ARHGAP28: variants seen among roughly 807,000 people sequenced by gnomAD.
The protein encoded by ARHGAP28 is rho GTPase-activating protein 28.
ARHGAP28 carries 56 observed loss-of-function variants against 90.7 expected under a neutral mutation model. That is an observed-to-expected ratio of 0.62 (90% confidence interval 0.50 to 0.77). ARHGAP28 has a LOEUF of 0.77. Among genes scored for constraint, ARHGAP28 ranks in the 30% least tolerant of loss-of-function variants. The pLI, the probability that ARHGAP28 is intolerant of heterozygous loss-of-function variation, is 0.00. For synonymous variants in ARHGAP28, 308 were observed against 323.3 expected (o/e 0.95, Z 0.51); for missense variants, 869 against 900.9 (o/e 0.96, Z 0.45).
chr18:6,894,879 G>A lies in ARHGAP28; in HGVS notation c.1893G>A (p.Ser631=), dbSNP rs543980324. The part of the protein sequence containing the change: ...KTSKVLQKSP[S]ARRMSDVPEG... Reference sequence around the variant, plus strand: ...CAAAGGTACTGCAAAAATCACCCTCGGCAAGACGAATGGTAAGAAAAATAA... The same window carrying A: ...CAAAGGTACTGCAAAAATCACCCTCAGCAAGACGAATGGTAAGAAAAATAA... The change falls in exon 15 of 18, where the codon TCG becomes TCA. Residue 631 remains serine (S), a synonymous_variant. Transcript: ENST00000383472. The A allele has an allele frequency of 4.3e-5, 69 of 1,613,880 alleles. No individual in the cohort carries two copies. Among genetic ancestry groups the A allele is most frequent in the East Asian group, 6.7e-5 (3 of 44,864 alleles).
chr18:6,739,180 A>G (rs1172004937), intron 1 of ARHGAP28, among the ~76,000 whole-genome samples: 2 of 152,304 alleles, frequency 1.3e-5, no homozygotes, highest in East Asian at 3.9e-4. Flanking sequence ...ATCTTGTAAC[A>G]TTATTAATAT....
chr18:6,841,208 C>CCTCTCTCTCTCTCTCT (rs369622522), intron 3 of ARHGAP28, among the ~76,000 whole-genome samples: 4 of 43,136 alleles, frequency 9.3e-5, no homozygotes, highest in Admixed American at 2.9e-4. Flanking sequence ...TCTCTCCTCT[C>CCTCTCTCTCTCTCTCT]CTCTCTCTCT....
intron 3 of ARHGAP28, among the ~76,000 whole-genome samples, chr18:6,841,205 TCTC>T (rs1359496980): frequency 0.055 from 2,263 of 41,172 alleles, 157 homozygotes; most frequent in East Asian, 0.17. Context: ...CTCTCTCTCC[TCTC>T]CTCTCTCTCT....
rs971988664 is a variant in ARHGAP28, at chr18:6,789,476, G to A, written c.123-35286G>A. On this transcript the variant is annotated intron_variant, in intron 1 of 17. Transcript: ENST00000383472. ...TGTAATCCCAACTATTCGGGAGGCT[G>A]AGGCAGAAGAATTGCTTGAACACGG... 8 of 152,268 alleles carry A rather than the reference G, an allele frequency of 5.3e-5. 1 individual carries two copies. Among genetic ancestry groups the A allele is most frequent in the Non-Finnish European group, 1.2e-4 (8 of 68,108 alleles). The allele number at this position is 152,268 out of a possible 1,614,324, so 9.4% of individuals were successfully genotyped here. A position where few individuals can be genotyped will look rare whatever the true frequency, so the allele number is the denominator to read the frequency against.
At chr18:6,811,366 T>C (rs1258856510) in intron 1 of ARHGAP28, among the ~76,000 whole-genome samples, 3 of 152,202 alleles carry the variant, frequency 2.0e-5, no homozygotes, top group Non-Finnish European at 4.4e-5. Context: ...ACAAGAATCT[T>C]CATTGAACCA....
chr18:6,734,017 G>T (rs1381133590), intron 1 of ARHGAP28, among the ~76,000 whole-genome samples: 1 of 152,162 alleles, frequency 6.6e-6, no homozygotes, highest in African/African-American at 2.4e-5. Context: ...TATTCATGCA[G>T]CAAAGAGACT....
chr18:6,768,411 C>T (rs1184927808), intron 1 of ARHGAP28, among the ~76,000 whole-genome samples: 3 of 152,098 alleles, frequency 2.0e-5, no homozygotes, highest in African/African-American at 4.8e-5. Context: ...TAAGGGAGGT[C>T]TAGAGTAGAC....
chr18:6,913,622 A>G lies in ARHGAP28; in HGVS notation c.*1468A>G, dbSNP rs1256873935. ...CCCATTTGTAGAAGAAATCTTGTAT[A>G]TACTATTATTACACCTTGATATCTA... On this transcript the variant is annotated 3_prime_UTR_variant, in exon 18 of 18. Coordinates refer to ENST00000383472, the MANE Select transcript of ARHGAP28 (RefSeq NM_001366230.1). The G allele has an allele frequency of 2.0e-5, 1 of 50,740 alleles. No individual in the cohort carries two copies. Among genetic ancestry groups the G allele is most frequent in the Non-Finnish European group, 5.7e-5 (1 of 17,678 alleles). The allele number at this position is 50,740 out of a possible 1,614,324, so 3.1% of individuals were successfully genotyped here.
rs1407378882 is a variant in ARHGAP28, at chr18:6,841,265, CCCTTGGTCTCCCTCCCTATT to C, written c.543+3856_543+3875del. Among the ~76,000 whole-genome samples, 45 of 136,448 alleles carry C rather than the reference CCCTTGGTCTCCCTCCCTATT, an allele frequency of 3.3e-4. No homozygotes were observed. In the East Asian group the frequency reaches 6.5e-3, roughly 20 times the overall value. The allele number at this position is 136,448 out of a possible 152,430, so 89.5% of individuals were successfully genotyped here. On this transcript the variant is annotated intron_variant, in intron 3 of 17. Transcript: ENST00000383472. ...ACCAATTGTGTGTCTCCCTCCCTAT[CCCTTGGTCTCCCTCCCTATT>C]CCTTCTTATTCTTTCTTTGGCATCA...
At chr18:6,886,015 A>G (rs185027142) in intron 11 of ARHGAP28, among the ~76,000 whole-genome samples, 3 of 150,886 alleles carry the variant, frequency 2.0e-5, no homozygotes, top group Admixed American at 2.0e-4. Context: ...CAAGTTATCC[A>G]CAAATCTACA....
chr18:6,842,080 G>A (rs2056831830), intron 3 of ARHGAP28, among the ~76,000 whole-genome samples: 1 of 152,132 alleles, frequency 6.6e-6, no homozygotes. Flanking sequence ...CAGGCATGAT[G>A]GCTGACACCT....
intron 1 of ARHGAP28, among the ~76,000 whole-genome samples, chr18:6,772,277 G>T (rs185636917): frequency 2.0e-5 from 3 of 152,134 alleles, no homozygotes; most frequent in African/African-American, 4.8e-5. Context: ...TTTCAACTGG[G>T]TGCTCTAACA....
chr18:6,878,552 G>T (rs1465084223), intron 10 of ARHGAP28, among the ~76,000 whole-genome samples: 1 of 152,124 alleles, frequency 6.6e-6, no homozygotes, highest in East Asian at 1.9e-4. Flanking sequence ...CATAGCAGCA[G>T]CTACCTTTCT....
chr18:6,834,162 T>TAA (rs35799752), intron 2 of ARHGAP28, among the ~76,000 whole-genome samples: 48 of 150,216 alleles, frequency 3.2e-4, no homozygotes, highest in Non-Finnish European at 5.3e-4. Flanking sequence ...TTAGAGTGAT[T>TAA]AAAAAAAAAG....
chr18:6,732,096 T>C (rs1193757526), intron 1 of ARHGAP28, among the ~76,000 whole-genome samples: 1 of 26,398 alleles, frequency 3.8e-5, no homozygotes, highest in African/African-American at 4.6e-5. Context: ...TTTATATGTT[T>C]TTAAGGTTTT....
At chr18:6,869,186 A>T (rs1291798077) in intron 6 of ARHGAP28, among the ~76,000 whole-genome samples, 1 of 148,130 alleles carries the variant, frequency 6.8e-6, no homozygotes, top group Non-Finnish European at 1.5e-5. Flanking sequence ...CTATTTGTTT[A>T]TCTTCCTCTG....
intron 2 of ARHGAP28, among the ~76,000 whole-genome samples, chr18:6,830,077 C>T (rs547574596): frequency 1.4e-4 from 21 of 152,260 alleles, no homozygotes; most frequent in Non-Finnish European, 2.8e-4. Flanking sequence ...TGTTTCTTCT[C>T]TTCTTCTTAT....
chr18:6,778,503 A>G (rs138037736), intron 1 of ARHGAP28, among the ~76,000 whole-genome samples: 336 of 152,338 alleles, frequency 2.2e-3, no homozygotes, highest in African/African-American at 7.6e-3. Context: ...GGCACAGGGT[A>G]GAGAGTCCTG....
At chr18:6,737,719 G>A (rs750632082) in intron 1 of ARHGAP28, among the ~76,000 whole-genome samples, 6 of 152,024 alleles carry the variant, frequency 3.9e-5, no homozygotes, top group African/African-American at 1.2e-4. Context: ...TTATTTCTTT[G>A]TGATTACTCT....
Sources: allele counts gnomAD v4.1 joint callset (sites outside exome capture counted in the v4.1 genomes callset), GRCh38; gene constraint gnomAD v4.1.1; transcripts MANE v1.5; gene names NCBI Gene and HGNC (gene_info 2026-07-23, HGNC 2026-07-21).